LYN: variants seen among roughly 807,000 people sequenced by gnomAD.
The protein encoded by LYN is tyrosine-protein kinase Lyn.
LYN carries 12 observed loss-of-function variants against 65.0 expected under a neutral mutation model. The observed-to-expected ratio is 0.18, with a 90% confidence interval of 0.12 to 0.30. The LOEUF (loss-of-function observed/expected upper bound fraction) is 0.30. LYN is among the 10% of genes least tolerant of loss of function. The pLI is 1.00. For synonymous variants in LYN, 222 were observed against 221.2 expected (o/e 1.00, Z -0.03); for missense variants, 380 against 623.2 (o/e 0.61, Z 4.16).
intron 10 of LYN, among the ~76,000 whole-genome samples, chr8:55,971,158 A>T (rs1807598749): frequency 6.6e-6 from 1 of 152,232 alleles, no homozygotes; most frequent in Non-Finnish European, 1.5e-5. Context: ...AACATCTAAT[A>T]AGAAAGAAGC....
In LYN at chr8:55,914,365, A is replaced by G. The variant is rs193292005; in HGVS notation, c.-5-27490A>G. On this transcript the variant is annotated intron_variant, in intron 1 of 12. Coordinates refer to ENST00000519728, the MANE Select transcript of LYN (RefSeq NM_002350.4). Reference sequence around the variant, plus strand: ...TGTATTTGACATGAAATATACTGAGATGGCCCCCATACTTTAGGGTGCAAA... The same window carrying G: ...TGTATTTGACATGAAATATACTGAGGTGGCCCCCATACTTTAGGGTGCAAA... 2.4e-3 allele frequency among the ~76,000 whole-genome samples: 366 copies of G among 152,168 alleles called. 3 individuals carry two copies. The highest frequency in any genetic ancestry group is 8.4e-3 in the African/African-American group (350 of 41,510).
intron 8 of LYN, among the ~76,000 whole-genome samples, chr8:55,962,674 T>C (rs1807320686): frequency 6.6e-6 from 1 of 152,250 alleles, no homozygotes; most frequent in African/African-American, 2.4e-5. Context: ...TTTCAAGATA[T>C]ACGATCATTT....
chr8:55,886,058 T>C (rs1422430777), intron 1 of LYN, among the ~76,000 whole-genome samples: 3 of 152,060 alleles, frequency 2.0e-5, no homozygotes, highest in African/African-American at 7.3e-5. Flanking sequence ...AACGGAAAAA[T>C]GTACATTTTG....
At chr8:55,954,099 C>T in intron 8 of LYN, 115 bp downstream of exon 8, 1 of 1,187,566 alleles carries the variant, frequency 8.4e-7, no homozygotes, top group Non-Finnish European at 1.2e-6. Flanking sequence ...TCAGAAGCAT[C>T]ATTTATTTTG....
intron 1 of LYN, among the ~76,000 whole-genome samples, chr8:55,938,139 A>T (rs1218674960): frequency 1.3e-5 from 2 of 152,244 alleles, no homozygotes; most frequent in Non-Finnish European, 2.9e-5. Flanking sequence ...TTCCAATGAA[A>T]GAAAGACTTT....
chr8:55,899,970 G>A (rs1364330536), intron 1 of LYN, among the ~76,000 whole-genome samples: 1 of 152,166 alleles, frequency 6.6e-6, no homozygotes, highest in Non-Finnish European at 1.5e-5. Context: ...GATAAGTAAA[G>A]ATGAATTACC....
rs34839284 is a variant in LYN, at chr8:55,886,241, CT to C, written c.-6+6155del. On this transcript the variant is annotated intron_variant, in intron 1 of 12. Transcript: ENST00000519728. ...GGATAGAACAGTGGCTGTCAAACATCTTTTTTTTTTTTTTTTTGAGATGGAG... is the reference window on the plus strand; with the variant it reads ...GGATAGAACAGTGGCTGTCAAACATCTTTTTTTTTTTTTTTTGAGATGGAG... 6.2e-3 allele frequency among the ~76,000 whole-genome samples: 821 copies of C among 133,392 alleles called. 4 individuals are homozygous for C. Among genetic ancestry groups the C allele is most frequent in the African/African-American group, 0.019 (670 of 36,104 alleles). The allele number at this position is 133,392 out of a possible 152,430, so 87.5% of individuals were successfully genotyped here.
intron 1 of LYN, among the ~76,000 whole-genome samples, chr8:55,882,550 T>TG (rs1804680531): frequency 6.6e-6 from 1 of 152,226 alleles, no homozygotes; most frequent in Non-Finnish European, 1.5e-5. Context: ...CTCCTACTGA[T>TG]GATCTCAGTG....
chr8:55,961,735 T>C (rs1180326940), intron 8 of LYN, among the ~76,000 whole-genome samples: 1 of 152,214 alleles, frequency 6.6e-6, no homozygotes, highest in African/African-American at 2.4e-5. Context: ...CTTTAACTTT[T>C]ATTGCTATGT....
intron 3 of LYN, 33 bp from the exon 4 acceptor site, chr8:55,947,585 T>G: frequency 6.7e-7 from 1 of 1,489,204 alleles, no homozygotes; most frequent in Non-Finnish European, 9.4e-7. Flanking sequence ...TGCTGATGGA[T>G]TCTTACAGGT....
chr8:55,936,142 G>A (rs561739763), intron 1 of LYN, among the ~76,000 whole-genome samples: 2 of 152,248 alleles, frequency 1.3e-5, no homozygotes, highest in South Asian at 2.1e-4. Flanking sequence ...TTTTAGGGAC[G>A]AATTCCTATA....
intron 10 of LYN, among the ~76,000 whole-genome samples, chr8:55,985,788 C>G (rs1263423425): frequency 6.6e-6 from 1 of 152,156 alleles, no homozygotes; most frequent in Non-Finnish European, 1.5e-5. Context: ...TTGTGGCATA[C>G]AGGCAGGACT....
At chr8:55,982,941 C>CCCT (rs1807970003) in intron 10 of LYN, among the ~76,000 whole-genome samples, 1 of 152,136 alleles carries the variant, frequency 6.6e-6, no homozygotes, top group Non-Finnish European at 1.5e-5. Context: ...TCCCTACCGC[C>CCCT]CCTCCGCTCC....
chr8:55,923,419 T>C (rs1375307236), intron 1 of LYN, among the ~76,000 whole-genome samples: 1 of 152,180 alleles, frequency 6.6e-6, no homozygotes, highest in Non-Finnish European at 1.5e-5. Flanking sequence ...CTTCCAAAAA[T>C]TTCTTGCTTA....
chr8:55,909,299 G>A (rs908910937), intron 1 of LYN, among the ~76,000 whole-genome samples: 1 of 152,076 alleles, frequency 6.6e-6, no homozygotes, highest in African/African-American at 2.4e-5. Flanking sequence ...CTGGACCCCA[G>A]TCCTGGCATT....
intron 1 of LYN, among the ~76,000 whole-genome samples, chr8:55,909,458 C>T (rs76946724): frequency 0.12 from 18,499 of 152,234 alleles, 1,514 homozygotes; most frequent in Middle Eastern, 0.28. Flanking sequence ...ATGGCAGATT[C>T]GCCCCATTGG....
chr8:55,966,432 A>G (rs1220350670), intron 8 of LYN, among the ~76,000 whole-genome samples: 3 of 151,502 alleles, frequency 2.0e-5, no homozygotes, highest in African/African-American at 4.9e-5. Context: ...CAATGGTGCG[A>G]TCTCAGCTCA....
At chr8:55,933,302 A>G (rs573706849) in intron 1 of LYN, among the ~76,000 whole-genome samples, 1 of 152,318 alleles carries the variant, frequency 6.6e-6, no homozygotes, top group East Asian at 1.9e-4. Flanking sequence ...AAACCCTCAC[A>G]GAACTGGCTT....
intron 4 of LYN, among the ~76,000 whole-genome samples, chr8:55,948,281 T>C (rs1269105135): frequency 1.3e-5 from 2 of 152,210 alleles, no homozygotes; most frequent in Non-Finnish European, 2.9e-5. Context: ...GCCTGGTTTC[T>C]TTCTTTATCC....
Sources: allele counts gnomAD v4.1 joint callset (sites outside exome capture counted in the v4.1 genomes callset), GRCh38; gene constraint gnomAD v4.1.1; transcripts MANE v1.5; gene names NCBI Gene and HGNC (gene_info 2026-07-23, HGNC 2026-07-21).